The following DDX56 variants were observed in gnomAD, a reference collection of about 807,000 sequenced individuals.
DDX56 encodes the protein DEAD-box helicase 56, also known as probable ATP-dependent RNA helicase DDX56.
A neutral mutation model predicts 61.5 loss-of-function variants in DDX56; 45 were observed. The observed-to-expected ratio is 0.73, with a 90% CI of 0.58 to 0.94. The LOEUF is 0.94. DDX56 is among the 40% of genes least tolerant of loss of function. The pLI, the probability that DDX56 is intolerant of heterozygous loss-of-function variation, is 0.00. For synonymous variants in DDX56, 273 were observed against 268.3 expected (o/e 1.02, Z -0.17); for missense variants, 708 against 690.7 (o/e 1.02, Z -0.28).
chr7:44,566,408 G>A (rs756657696), intron 13 of DDX56, 40 bp downstream of exon 13: 1 of 1,483,258 alleles, frequency 6.7e-7, no homozygotes, highest in African/African-American at 1.4e-5. Flanking sequence ...AGCAGGTTGG[G>A]AGGAGTCCTG....
intron 9 of DDX56, among the ~76,000 whole-genome samples, chr7:44,569,531 C>G (rs2117122029): frequency 6.6e-6 from 1 of 152,200 alleles, no homozygotes; most frequent in South Asian, 2.1e-4. Context: ...CAGGACCACC[C>G]AGCACCCTGG....
At chr7:44,570,564 G>A (rs1562584342) in intron 7 of DDX56, among the ~76,000 whole-genome samples, 194 bp downstream of exon 7, 2 of 152,336 alleles carry the variant, frequency 1.3e-5, no homozygotes, top group South Asian at 4.1e-4. Context: ...CGTGGTGCAT[G>A]TGCAGTGTGC....
Position 44,568,890 on chromosome 7 carries a change from C to T in DDX56, c.1383+13G>A. 1.2e-6 allele frequency: 2 copies of T among 1,606,854 alleles called. No homozygotes were observed. The highest frequency in any genetic ancestry group is 1.7e-6 in the Non-Finnish European group (2 of 1,173,452). On this transcript the variant is annotated intron_variant, in intron 11 of 13. Coordinates refer to ENST00000258772, the MANE Select transcript of DDX56 (RefSeq NM_019082.4). The stretch of plus-strand genomic sequence containing the variant: ...TCTAAGATCTATCCCCTTCTCACCT[C>T]CCATCCACTCACCTTAAGCTTCTCA...
intron 13 of DDX56, 78 bp from the exon 14 acceptor site, chr7:44,566,157 A>C: frequency 1.4e-6 from 1 of 703,060 alleles, no homozygotes; most frequent in South Asian, 1.7e-5. Flanking sequence ...CCAACTGAGA[A>C]AGACACAAAG....
chr7:44,573,433 C>T, intron 2 of DDX56, 150 bp downstream of exon 2: 6 of 1,065,734 alleles, frequency 5.6e-6, no homozygotes, highest in Non-Finnish European at 8.1e-6. Flanking sequence ...ACCTGAACTC[C>T]AGCCCAGAGT....
chr7:44,567,035 G>A (rs1452328685), intron 12 of DDX56, among the ~76,000 whole-genome samples: 2 of 151,918 alleles, frequency 1.3e-5, no homozygotes, highest in African/African-American at 2.4e-5. Flanking sequence ...AAATGACTCC[G>A]CTATACGAGC....
intron 3 of DDX56, 26 bp downstream of exon 3, chr7:44,572,864 G>C (rs1802712619): frequency 1.9e-6 from 3 of 1,583,972 alleles, no homozygotes; most frequent in Non-Finnish European, 2.6e-6. Context: ...GCTTCATTCA[G>C]GTACAGCTTT....
rs1802610601 is a variant in DDX56 at position 44,569,127 on chromosome 7, C to A, written c.1293+3G>T. The A allele has an allele frequency of 1.2e-6, 2 of 1,613,730 alleles. No homozygotes were observed. The highest frequency in any genetic ancestry group is 1.7e-6 in the Non-Finnish European group (2 of 1,179,758). On this transcript the variant is annotated splice_donor_region_variant and intron_variant, in intron 10 of 13. Transcript: ENST00000258772. ...CATTCCCCTCCCCACCACAGCAGCT[C>A]ACCCTGCAGCGATAGCGGAAGCCCT...
chr7:44,571,413 A>T, intron 6 of DDX56, 79 bp downstream of exon 6: 3 of 1,563,804 alleles, frequency 1.9e-6, no homozygotes, highest in Non-Finnish European at 2.6e-6. Context: ...CTAAGTGCTT[A>T]AGAAACAGAA....
Position 44,573,752 on chromosome 7 carries a change from AC to A in DDX56, c.61-9del. ...GCCCAGATCGGTGACAGCCTAGGAG[AC>A]CAGGAGTGCGGTTTAAGCGGCGTGA... On this transcript the variant is annotated splice_polypyrimidine_tract_variant and intron_variant, in intron 1 of 13. Transcript: ENST00000258772. The A allele has an allele frequency of 6.2e-7, 1 of 1,613,442 alleles. No homozygotes were observed. The highest frequency in any genetic ancestry group is 8.5e-7 in the Non-Finnish European group (1 of 1,179,956).
At position 44,569,200 on chromosome 7, in the gene DDX56, T is replaced by C; in HGVS notation, c.1223A>G (p.Asn408Ser). ...GTAGGGGAGCAGAATGGGGCCCCTG[T>C]TCTCTGTGGAGAAGAAAGCAGCGAG... is the stretch of plus-strand genomic sequence containing the variant. The part of the protein sequence containing the change: ...GKIEELLSGE[N>S]RGPILLPYQF... The change falls in exon 10 of 14, where the codon AAC becomes AGC. Residue 408 changes from asparagine (N) to serine (S), a missense_variant. Physicochemically the swap from Asn to Ser is conservative, Grantham distance 46. Transcript: ENST00000258772. 2 of 1,613,690 alleles carry C rather than the reference T, an allele frequency of 1.2e-6. No homozygotes were observed. Among genetic ancestry groups the C allele is most frequent in the South Asian group, 1.1e-5 (1 of 91,070 alleles).
In DDX56 at chr7:44,571,680, A is replaced by C. The variant is rs1434389586; in HGVS notation, c.702T>G (p.Phe234Leu). Residue 234 changes from phenylalanine to leucine, a missense_variant, in exon 6 of 14, where the codon TTT becomes TTG. Transcript: ENST00000258772. ...QLPGPDQLQQFQVVCETEEDK... is the reference protein window; with the variant it reads ...QLPGPDQLQQLQVVCETEEDK... ...CTTCCTCAGTCTCACAGACCACCTG[A>C]AACTGCTGTAACTGGTCTGGCCCAG... The C allele has an allele frequency of 6.2e-7, 1 of 1,614,136 alleles. No individual in the cohort carries two copies. The highest frequency in any genetic ancestry group is 1.7e-5 in the Admixed American group (1 of 60,024).
At position 44,570,008 on chromosome 7, in the gene DDX56, C is replaced by T; in HGVS notation, c.1124+7G>A. 6.2e-7 allele frequency: 1 copy of T among 1,614,170 alleles called. No individual in the cohort carries two copies. Among genetic ancestry groups the T allele is most frequent in the Non-Finnish European group, 8.5e-7 (1 of 1,180,022 alleles). On this transcript the variant is annotated splice_region_variant and intron_variant, in intron 8 of 13. Transcript: ENST00000258772. ...CCATGCAGATGCCTGGGCCGTCACA[C>T]TACTACCTGCCAGCTCGATGGATGT...
rs1053501923 is a variant in DDX56, at chr7:44,570,076, A to T, written c.1063T>A (p.Ser355Thr). 3.7e-6 allele frequency: 6 copies of T among 1,614,160 alleles called. No homozygotes were observed. Residue 355 changes from serine (S) to threonine (T), a missense_variant, in exon 8 of 14, where the codon TCT (serine) becomes ACT (threonine). Physicochemically the swap from Ser to Thr is moderately conservative, Grantham distance 58. Coordinates refer to ENST00000258772, the MANE Select transcript of DDX56 (RefSeq NM_019082.4). ...VARGIDFHHV[S>T]AVLNFDLPPT... The stretch of plus-strand genomic sequence containing the variant: ...GGAAGATCAAAGTTGAGCACAGCAG[A>T]CACATGGTGGAAGTCTATGCCCCGG...
intron 13 of DDX56, 37 bp from the exon 14 acceptor site, chr7:44,566,116 A>G (rs1802525921): frequency 9.9e-6 from 14 of 1,412,264 alleles, no homozygotes; most frequent in Non-Finnish European, 1.4e-5. Flanking sequence ...TGGGGGAATC[A>G]GGCCGACAGA....
chr7:44,570,243 A>G, intron 7 of DDX56, 115 bp from the exon 8 acceptor site: 1 of 1,359,608 alleles, frequency 7.4e-7, no homozygotes, highest in East Asian at 2.5e-5. Flanking sequence ...CCTGACATAC[A>G]GAGGACTCTC....
chr7:44,572,866 T>C (rs749426600), intron 3 of DDX56, 24 bp downstream of exon 3: 10 of 1,583,930 alleles, frequency 6.3e-6, no homozygotes, highest in Non-Finnish European at 7.7e-6. Flanking sequence ...TTCATTCAGG[T>C]ACAGCTTTGC....
intron 6 of DDX56, among the ~76,000 whole-genome samples, chr7:44,571,211 G>A (rs948686834): frequency 3.3e-5 from 5 of 152,284 alleles, no homozygotes; most frequent in African/African-American, 1.2e-4. Context: ...GCTAATTTTT[G>A]TATTTTTAGT....
intron 11 of DDX56, 100 bp from the exon 12 acceptor site, chr7:44,568,323 G>T: frequency 1.3e-6 from 1 of 796,892 alleles, no homozygotes; most frequent in Non-Finnish European, 2.0e-6. Flanking sequence ...GTTTCAAAAG[G>T]CATGAGGCAG....
Sources: allele counts gnomAD v4.1 joint callset (sites outside exome capture counted in the v4.1 genomes callset), GRCh38; gene constraint gnomAD v4.1.1; transcripts MANE v1.5; gene names NCBI Gene and HGNC (gene_info 2026-07-23, HGNC 2026-07-21).